PLA2G12B: variants seen among roughly 807,000 people sequenced by gnomAD.
The protein encoded by PLA2G12B is group XIIB secretory phospholipase A2-like protein.
PLA2G12B carries 19 observed loss-of-function variants against 22.3 expected under a neutral mutation model. The observed-to-expected ratio is 0.85, with a 90% CI of 0.60 to 1.25. PLA2G12B has a LOEUF of 1.25. Ranked by LOEUF, PLA2G12B falls within the 50% of genes most tolerant of loss-of-function variation. PLA2G12B has a pLI of 0.00. For missense variants in PLA2G12B, 191 were observed against 246.6 expected, an observed-to-expected ratio of 0.77 and a Z score of 1.51; for synonymous variants, 81 against 94.9, an observed-to-expected ratio of 0.85 and a Z score of 0.85.
At chr10:72,954,316 G>T (rs2132985179) in intron 1 of PLA2G12B, among the ~76,000 whole-genome samples, 159 bp downstream of exon 1, 1 of 152,278 alleles carries the variant, frequency 6.6e-6, no homozygotes, top group South Asian at 2.1e-4. Context: ...TTGTTTATTT[G>T]GATTTCACAT....
chr10:72,949,659 T>C (rs1285879515), intron 1 of PLA2G12B, among the ~76,000 whole-genome samples: 4 of 152,180 alleles, frequency 2.6e-5, no homozygotes, highest in Admixed American at 2.6e-4. Flanking sequence ...CAACCCCAAC[T>C]AGCTGTCTCA....
At chr10:72,950,485 ATTTG>A (rs1309979527) in intron 1 of PLA2G12B, among the ~76,000 whole-genome samples, 1 of 152,058 alleles carries the variant, frequency 6.6e-6, no homozygotes, top group Non-Finnish European at 1.5e-5. Flanking sequence ...TTATTTATTT[ATTTG>A]TTTATTTTTG....
intron 1 of PLA2G12B, among the ~76,000 whole-genome samples, chr10:72,944,007 T>C (rs374992299): frequency 2.0e-5 from 3 of 150,878 alleles, no homozygotes; most frequent in East Asian, 1.9e-4. Flanking sequence ...TCTTTTTCTT[T>C]CTTCCTTCCT....
At chr10:72,946,781 GTTAT>G (rs1564603874) in intron 1 of PLA2G12B, among the ~76,000 whole-genome samples, 3 of 152,046 alleles carry the variant, frequency 2.0e-5, no homozygotes, top group African/African-American at 7.2e-5. Flanking sequence ...CTATAACTGA[GTTAT>G]TTATCTTTTT....
intron 3 of PLA2G12B, among the ~76,000 whole-genome samples, chr10:72,938,397 A>G (rs1846311475): frequency 6.6e-6 from 1 of 152,106 alleles, no homozygotes; most frequent in South Asian, 2.1e-4. Flanking sequence ...GGAAAGGAAG[A>G]TGATATGCAG....
chr10:72,954,274 C>A (rs772877501), intron 1 of PLA2G12B, among the ~76,000 whole-genome samples: 3 of 152,174 alleles, frequency 2.0e-5, no homozygotes, highest in Non-Finnish European at 4.4e-5. Context: ...CCAGATATTT[C>A]ACTGGACATA....
In PLA2G12B at chr10:72,942,750, G is replaced by T; in HGVS notation, c.212-10C>A. The T allele has an allele frequency of 6.4e-7, 1 of 1,572,582 alleles. No homozygotes were observed. The highest frequency in any genetic ancestry group is 8.7e-7 in the Non-Finnish European group (1 of 1,153,918). ...GGCATTGGTGCCTTTCCTTGCAGGAGGAAGAAAGGAAAGAAGCAAGAAGAA... is the reference window on the plus strand; with the variant it reads ...GGCATTGGTGCCTTTCCTTGCAGGATGAAGAAAGGAAAGAAGCAAGAAGAA... On this transcript the variant is annotated splice_polypyrimidine_tract_variant and intron_variant, in intron 1 of 3. Coordinates refer to ENST00000373032, the MANE Select transcript of PLA2G12B (RefSeq NM_032562.5).
At chr10:72,940,644 C>G (rs1846345566) in intron 3 of PLA2G12B, among the ~76,000 whole-genome samples, 1 of 152,142 alleles carries the variant, frequency 6.6e-6, no homozygotes, top group South Asian at 2.1e-4. Flanking sequence ...TACACTCCAG[C>G]CTGGGCAACA....
chr10:72,952,185 A>G (rs1263869838), intron 1 of PLA2G12B, among the ~76,000 whole-genome samples: 1 of 152,248 alleles, frequency 6.6e-6, no homozygotes, highest in Non-Finnish European at 1.5e-5. Context: ...TTTAAATAGT[A>G]GTTAGTACCT....
chr10:72,948,457 T>C (rs1402183849), intron 1 of PLA2G12B, among the ~76,000 whole-genome samples: 3 of 152,240 alleles, frequency 2.0e-5, no homozygotes, highest in Admixed American at 6.5e-5. Flanking sequence ...GGTTTCAGTC[T>C]AGGCAGAAAC....
intron 1 of PLA2G12B, among the ~76,000 whole-genome samples, chr10:72,943,059 G>A (rs998845249): frequency 4.6e-5 from 7 of 151,686 alleles, no homozygotes; most frequent in Admixed American, 2.0e-4. Context: ...TCCACCTCCT[G>A]GGTTCAAGCA....
chr10:72,943,666 C>T (rs1280176996), intron 1 of PLA2G12B, among the ~76,000 whole-genome samples: 1 of 152,172 alleles, frequency 6.6e-6, no homozygotes, highest in African/African-American at 2.4e-5. Flanking sequence ...TGGCAGTGCT[C>T]ACAGGTAAAG....
In PLA2G12B at chr10:72,954,429, G is replaced by A. The variant is rs201197370; in HGVS notation, c.211+46C>T. 1,442 of 1,612,278 alleles carry A rather than the reference G, an allele frequency of 8.9e-4. 4 individuals are homozygous for A. Among genetic ancestry groups the A allele is most frequent in the Non-Finnish European group, 7.4e-4 (876 of 1,178,488 alleles). On this transcript the variant is annotated intron_variant, in intron 1 of 3. Coordinates refer to ENST00000373032, the MANE Select transcript of PLA2G12B (RefSeq NM_032562.5). ...CGTGACCTCTCTGGGGCTGTCCATGGGTCCACCAGCAACAGTTTTTACAGA... is the reference window on the plus strand; with the variant it reads ...CGTGACCTCTCTGGGGCTGTCCATGAGTCCACCAGCAACAGTTTTTACAGA...
In PLA2G12B at chr10:72,941,273, G is replaced by A. The variant is rs1230493946; in HGVS notation, c.362C>T (p.Thr121Ile). The change falls in exon 3 of 4, where the codon ACT (threonine) becomes ATT (isoleucine). Residue 121 changes from threonine to isoleucine, a missense_variant. Coordinates refer to ENST00000373032, the MANE Select transcript of PLA2G12B (RefSeq NM_032562.5). ...CCNQLDVCYDTCGANKYRCDA... is the reference protein window; with the variant it reads ...CCNQLDVCYDICGANKYRCDA... ...ACAGCGATATTTGTTGGCACCGCAA[G>A]TGTCATAACAGACATCCAGCTGGTT... The A allele has an allele frequency of 1.2e-6, 2 of 1,613,776 alleles. No individual in the cohort carries two copies. The highest frequency in any genetic ancestry group is 2.2e-5 in the East Asian group (1 of 44,884).
intron 1 of PLA2G12B, among the ~76,000 whole-genome samples, chr10:72,949,747 C>T (rs1177813785): frequency 6.6e-6 from 1 of 152,102 alleles, no homozygotes; most frequent in Non-Finnish European, 1.5e-5. Context: ...GGAGGCCCAG[C>T]AGGGGGATCA....
chr10:72,951,504 C>T (rs1228589777), intron 1 of PLA2G12B, among the ~76,000 whole-genome samples: 1 of 139,614 alleles, frequency 7.2e-6, no homozygotes, highest in Non-Finnish European at 1.5e-5. Flanking sequence ...GTTGCCCAGG[C>T]TGCAGTGCAA....
chr10:72,944,848 A>G (rs1213886580), intron 1 of PLA2G12B, among the ~76,000 whole-genome samples: 1 of 152,194 alleles, frequency 6.6e-6, no homozygotes, highest in Non-Finnish European at 1.5e-5. Context: ...CAGCCAACAC[A>G]TCCATATTAC....
intron 1 of PLA2G12B, among the ~76,000 whole-genome samples, chr10:72,943,397 A>G (rs139220218): frequency 6.6e-6 from 1 of 152,332 alleles, no homozygotes; most frequent in African/African-American, 2.4e-5. Context: ...TCAAAGAACA[A>G]GCAGAACACA....
intron 3 of PLA2G12B, among the ~76,000 whole-genome samples, chr10:72,935,999 C>A (rs182827810): frequency 3.3e-5 from 5 of 152,284 alleles, no homozygotes; most frequent in Admixed American, 2.6e-4. Flanking sequence ...CCACCATGCT[C>A]ACTCCATGGA....
Sources: allele counts gnomAD v4.1 joint callset (sites outside exome capture counted in the v4.1 genomes callset), GRCh38; gene constraint gnomAD v4.1.1; transcripts MANE v1.5; gene names NCBI Gene and HGNC (gene_info 2026-07-23, HGNC 2026-07-21).